Variants in FRMD6 observed in about 807,000 individuals in gnomAD.
The protein encoded by FRMD6 is FERM domain-containing protein 6.
FRMD6 carries 37 observed loss-of-function variants against 73.2 expected under a neutral mutation model. That is an observed-to-expected ratio of 0.51 (90% CI 0.39 to 0.66). The LOEUF is 0.66. FRMD6 is among the 30% of genes least tolerant of loss of function. The probability of loss-of-function intolerance (pLI) is 0.00; values close to 1 mark genes in which losing one functional copy is unlikely to be tolerated. For synonymous variants in FRMD6, 273 were observed against 282.2 expected, an observed-to-expected ratio of 0.97 and a Z score of 0.33; for missense variants, 714 against 780.5, an observed-to-expected ratio of 0.91 and a Z score of 1.02.
chr14:51,408,612 C>A, the FRMD6 span, among the ~76,000 whole-genome samples: 1 of 152,134 alleles, frequency 6.6e-6, no homozygotes, highest in South Asian at 2.1e-4. Flanking sequence ...ATATTACAAT[C>A]CCTTTATAGC....
chr14:51,427,183 G>A, the FRMD6 span, among the ~76,000 whole-genome samples: 3 of 152,116 alleles, frequency 2.0e-5, no homozygotes, highest in African/African-American at 7.2e-5. Flanking sequence ...TTATCTCATG[G>A]GCTAGTTCCA....
chr14:51,581,293 T>C (rs1230698677), intron 2 of FRMD6, among the ~76,000 whole-genome samples: 3 of 152,206 alleles, frequency 2.0e-5, no homozygotes, highest in Non-Finnish European at 4.4e-5. Context: ...TAGACATTCA[T>C]CCATGGCTCA....
At chr14:51,535,674 G>A (rs562742418) in intron 1 of FRMD6, among the ~76,000 whole-genome samples, 8 of 152,272 alleles carry the variant, frequency 5.3e-5, no homozygotes, top group East Asian at 3.9e-4. Flanking sequence ...TATGAGTAAC[G>A]TTGCTATAAA....
intron 2 of FRMD6, among the ~76,000 whole-genome samples, chr14:51,691,065 T>A (rs191492801): frequency 6.0e-4 from 91 of 152,324 alleles, no homozygotes; most frequent in African/African-American, 2.1e-3. Context: ...TCTGATCTCT[T>A]GTCACCAAAG....
At chr14:51,559,584 C>G (rs1887364332) in intron 1 of FRMD6, among the ~76,000 whole-genome samples, 2 of 151,964 alleles carry the variant, frequency 1.3e-5, no homozygotes, top group African/African-American at 4.8e-5. Flanking sequence ...TCACAATTCC[C>G]TTCCACCAAC....
At chr14:51,424,644 C>T in the FRMD6 span, among the ~76,000 whole-genome samples, 1 of 152,218 alleles carries the variant, frequency 6.6e-6, no homozygotes, top group African/African-American at 2.4e-5. Flanking sequence ...CCCACAGCAT[C>T]ACTGCAGCTA....
chr14:51,530,765 G>T (rs73285064), intron 1 of FRMD6, among the ~76,000 whole-genome samples: 1 of 152,222 alleles, frequency 6.6e-6, no homozygotes, highest in African/African-American at 2.4e-5. Context: ...GGGATTACAG[G>T]CAGGAACCAC....
chr14:51,505,603 C>G (rs1335340696), intron 1 of FRMD6, among the ~76,000 whole-genome samples: 2 of 152,166 alleles, frequency 1.3e-5, no homozygotes, highest in East Asian at 3.9e-4. Context: ...CCCAGATTCT[C>G]TCCAGAGTCC....
intron 1 of FRMD6, among the ~76,000 whole-genome samples, chr14:51,554,495 A>G (rs1239585768): frequency 6.6e-6 from 1 of 152,194 alleles, no homozygotes; most frequent in Non-Finnish European, 1.5e-5. Context: ...GGTGCTCAAG[A>G]TCACCAGCAC....
the FRMD6 span, among the ~76,000 whole-genome samples, chr14:51,471,614 G>C: frequency 1.3e-5 from 2 of 151,970 alleles, no homozygotes; most frequent in East Asian, 3.8e-4. Context: ...ATGAAGACAT[G>C]GTAACTAAAA....
chr14:51,526,490 A>C (rs1318820331), intron 1 of FRMD6, among the ~76,000 whole-genome samples: 1 of 152,162 alleles, frequency 6.6e-6, no homozygotes, highest in Non-Finnish European at 1.5e-5. Context: ...GATGACTATG[A>C]AGTTTGTGTT....
intron 9 of FRMD6, chr14:51,714,764 T>C (rs1238926888): frequency 6.6e-6 from 1 of 152,236 alleles, no homozygotes; most frequent in Non-Finnish European, 1.5e-5. Context: ...TTTCCAATAA[T>C]TTATCATAAA....
In FRMD6 at chr14:51,517,387, C is replaced by T. The variant is rs964846696; in HGVS notation, c.-210+27967C>T. On this transcript the variant is annotated intron_variant, in intron 1 of 14. Coordinates refer to the FRMD6 transcript ENST00000356218. ...AAGTATTTATTCTGTGCAAAGAATG[C>T]ACCACTTGTCACATAGATATAAAAA... 3.3e-5 allele frequency among the ~76,000 whole-genome samples: 5 copies of T among 152,198 alleles called. No homozygotes were observed. The South Asian group carries it at 1.0e-3, about 32-fold the overall frequency.
intron 1 of FRMD6, among the ~76,000 whole-genome samples, chr14:51,677,866 G>A (rs1213399551): frequency 6.6e-6 from 1 of 151,986 alleles, no homozygotes; most frequent in Non-Finnish European, 1.5e-5. Context: ...CAGTATTCTT[G>A]TTTCCTTCTA....
chr14:51,427,127 T>G, the FRMD6 span, among the ~76,000 whole-genome samples: 3 of 152,228 alleles, frequency 2.0e-5, no homozygotes, highest in African/African-American at 7.2e-5. Context: ...TCCTTGAGGC[T>G]CAGGACCTTT....
the FRMD6 span, among the ~76,000 whole-genome samples, chr14:51,457,316 A>G: frequency 0.011 from 1,693 of 152,280 alleles, 11 homozygotes; most frequent in Non-Finnish European, 0.017. Context: ...GGCAATAACA[A>G]ATAAAAGCTG....
intron 1 of FRMD6, among the ~76,000 whole-genome samples, chr14:51,554,152 C>T (rs1886990354): frequency 6.6e-6 from 1 of 152,078 alleles, no homozygotes; most frequent in Non-Finnish European, 1.5e-5. Context: ...CAGGAGCCAA[C>T]TGAAAGAGCT....
At chr14:51,698,898 GAT>G (rs1896116230) in intron 3 of FRMD6, among the ~76,000 whole-genome samples, 2 of 151,898 alleles carry the variant, frequency 1.3e-5, no homozygotes, top group Admixed American at 6.6e-5. Context: ...TCCTTCAAAT[GAT>G]ATTTTTAAAT....
intron 1 of FRMD6, among the ~76,000 whole-genome samples, chr14:51,499,621 A>T (rs1485440591): frequency 6.6e-6 from 1 of 152,218 alleles, no homozygotes; most frequent in East Asian, 1.9e-4. Flanking sequence ...CCATGTTTCT[A>T]ATCACTGTCC....
Sources: gnomAD v4.1 joint callset for allele counts (sites outside exome capture counted in the v4.1 genomes callset) on GRCh38, gnomAD v4.1.1 for gene constraint, MANE v1.5 for transcripts, NCBI Gene and HGNC (gene_info 2026-07-23, HGNC 2026-07-21) for gene names.